The following PRICKLE1 variants were observed in gnomAD, a reference collection of about 807,000 sequenced individuals.
PRICKLE1 encodes the protein prickle-like protein 1.
A neutral mutation model predicts 70.2 loss-of-function variants in PRICKLE1; 14 were observed. The ratio of observed to expected loss-of-function variants is 0.20; its 90% confidence interval spans 0.13 to 0.31. The LOEUF (loss-of-function observed/expected upper bound fraction) is 0.31. PRICKLE1 is among the 10% of genes least tolerant of loss of function. The pLI is 1.00. For missense variants in PRICKLE1, 821 were observed against 1,026.2 expected (o/e 0.80, Z 2.73); for synonymous variants, 357 against 379.9 (o/e 0.94, Z 0.70).
At chr12:42,540,655 C>T (rs1002661383) in intron 1 of PRICKLE1, among the ~76,000 whole-genome samples, 13 of 152,166 alleles carry the variant, frequency 8.5e-5, no homozygotes, top group Admixed American at 5.2e-4. Flanking sequence ...CTCCGCCTCC[C>T]GGGTTCAAGC....
At chr12:42,586,352 A>G (rs188643829) in intron 1 of PRICKLE1, among the ~76,000 whole-genome samples, 16 of 152,042 alleles carry the variant, frequency 1.1e-4, no homozygotes, top group Non-Finnish European at 1.9e-4. Flanking sequence ...TAACATTTCT[A>G]TTCACAGATG....
At position 42,518,964 on chromosome 12, in the gene PRICKLE1, G is replaced by T. The variant is rs74637938; in HGVS notation, c.-48-46400C>A. On this transcript the variant is annotated intron_variant, in intron 1 of 7. Coordinates refer to ENST00000345127, the MANE Select transcript of PRICKLE1 (RefSeq NM_153026.3). ...AGGAAGTAAAAATGAAATGCACCAT[G>T]GCTTGAGAATTGATTAATTCTCAGT... 8.0e-3 allele frequency among the ~76,000 whole-genome samples: 1,223 copies of T among 152,182 alleles called. 16 individuals carry two copies. Among genetic ancestry groups the T allele is most frequent in the African/African-American group, 0.028 (1,175 of 41,526 alleles).
chr12:42,514,640 G>T (rs923878482), intron 1 of PRICKLE1, among the ~76,000 whole-genome samples: 1 of 152,068 alleles, frequency 6.6e-6, no homozygotes, highest in African/African-American at 2.4e-5. Flanking sequence ...AAACAAAAAT[G>T]AAAAGAAAGT....
intron 1 of PRICKLE1, among the ~76,000 whole-genome samples, chr12:42,488,255 A>G (rs1939024103): frequency 6.6e-6 from 1 of 152,158 alleles, no homozygotes; most frequent in Non-Finnish European, 1.5e-5. Flanking sequence ...TAAAGACTCA[A>G]TAGCTGATTA....
intron 1 of PRICKLE1, among the ~76,000 whole-genome samples, chr12:42,553,145 A>T (rs925418416): frequency 4.1e-5 from 6 of 147,732 alleles, no homozygotes; most frequent in African/African-American, 4.9e-5. Flanking sequence ...AGGTTCTTAA[A>T]TTTTTTTTTT....
At chr12:42,502,236 T>TA (rs1314192064) in intron 1 of PRICKLE1, among the ~76,000 whole-genome samples, 131 of 105,376 alleles carry the variant, frequency 1.2e-3, no homozygotes, top group African/African-American at 5.9e-3. Flanking sequence ...TACATATACC[T>TA]CTATATATAT....
intron 1 of PRICKLE1, among the ~76,000 whole-genome samples, chr12:42,510,891 G>T (rs1158139868): frequency 2.0e-5 from 3 of 152,184 alleles, no homozygotes; most frequent in African/African-American, 7.2e-5. Flanking sequence ...TATCTGAAAA[G>T]GTTCTTCCTA....
chr12:42,484,088 C>T (rs1163829071), intron 1 of PRICKLE1: 1 of 149,658 alleles, frequency 6.7e-6, no homozygotes, highest in Non-Finnish European at 1.5e-5. Context: ...CCTTCGATCC[C>T]AGCCGGACCC....
intron 1 of PRICKLE1, among the ~76,000 whole-genome samples, chr12:42,490,898 C>G (rs1217836406): frequency 6.6e-6 from 1 of 151,872 alleles, no homozygotes; most frequent in African/African-American, 2.4e-5. Context: ...GAGACATAGT[C>G]TTAACTCTGT....
At chr12:42,479,904 A>G (rs890769114) in intron 1 of PRICKLE1, among the ~76,000 whole-genome samples, 1 of 152,164 alleles carries the variant, frequency 6.6e-6, no homozygotes, top group Non-Finnish European at 1.5e-5. Context: ...CAGTGAACCA[A>G]GATCATGCCA....
chr12:42,579,193 A>T (rs527415902), intron 1 of PRICKLE1, among the ~76,000 whole-genome samples: 2 of 152,318 alleles, frequency 1.3e-5, no homozygotes, highest in Non-Finnish European at 2.9e-5. Flanking sequence ...GCTTAAGAGG[A>T]TTGGGGAGTG....
chr12:42,585,403 GTTTAGTCT>G (rs1446876011), intron 1 of PRICKLE1, among the ~76,000 whole-genome samples: 2 of 152,226 alleles, frequency 1.3e-5, no homozygotes, highest in African/African-American at 4.8e-5. Context: ...TGCATTTAGA[GTTTAGTCT>G]AAACAAGTGC....
At chr12:42,500,551 T>C (rs563869138) in intron 1 of PRICKLE1, among the ~76,000 whole-genome samples, 1 of 152,314 alleles carries the variant, frequency 6.6e-6, no homozygotes, top group Admixed American at 6.5e-5. Flanking sequence ...CTACTGAACG[T>C]ATCTCACATG....
intron 1 of PRICKLE1, among the ~76,000 whole-genome samples, chr12:42,510,798 A>C (rs1593146671): frequency 6.6e-6 from 1 of 152,214 alleles, no homozygotes; most frequent in African/African-American, 2.4e-5. Context: ...AAAAACCTTT[A>C]TGTATGTGCC....
intron 1 of PRICKLE1, among the ~76,000 whole-genome samples, chr12:42,534,983 C>T (rs1939993301): frequency 6.6e-6 from 1 of 152,156 alleles, no homozygotes; most frequent in African/African-American, 2.4e-5. Flanking sequence ...CTCTGGGACA[C>T]CATCTCTCAT....
At chr12:42,474,319 T>G (rs1286599132) in intron 1 of PRICKLE1, among the ~76,000 whole-genome samples, 8 of 152,242 alleles carry the variant, frequency 5.3e-5, no homozygotes, top group Non-Finnish European at 2.9e-5. Flanking sequence ...ATGGTTTTTC[T>G]TTTATAAATG....
chr12:42,526,690 C>G (rs967205031), intron 1 of PRICKLE1, among the ~76,000 whole-genome samples: 3 of 149,864 alleles, frequency 2.0e-5, no homozygotes, highest in African/African-American at 7.4e-5. Flanking sequence ...AGGTCATGAG[C>G]AGAATTGCCT....
At chr12:42,475,425 C>T (rs1938484007) in intron 1 of PRICKLE1, among the ~76,000 whole-genome samples, 1 of 152,288 alleles carries the variant, frequency 6.6e-6, no homozygotes, top group Non-Finnish European at 1.5e-5. Context: ...CAATGTCCCT[C>T]AGGGTCAATT....
Position 42,531,292 on chromosome 12 carries a change from C to T in PRICKLE1, c.-49+58173G>A, listed in dbSNP as rs1013492343. On this transcript the variant is annotated intron_variant, in intron 1 of 7. Coordinates refer to ENST00000345127, the MANE Select transcript of PRICKLE1 (RefSeq NM_153026.3). ...CGATCTCCTGACCTTGTGATCCACCCGCCTCGGCCTCCCAAAGTGCTGGGA... is the reference window on the plus strand; with the variant it reads ...CGATCTCCTGACCTTGTGATCCACCTGCCTCGGCCTCCCAAAGTGCTGGGA... Among the ~76,000 whole-genome samples the T allele has an allele frequency of 6.1e-5, 9 of 146,864 alleles. No homozygotes were observed. The South Asian group carries it at 6.6e-4, about 11-fold the overall frequency.
Sources: allele counts gnomAD v4.1 joint callset (sites outside exome capture counted in the v4.1 genomes callset), GRCh38; gene constraint gnomAD v4.1.1; transcripts MANE v1.5; gene names NCBI Gene and HGNC (gene_info 2026-07-23, HGNC 2026-07-21).